Variants in ANO10 observed in about 807,000 individuals in gnomAD.
The protein encoded by ANO10 is anoctamin-10.
Under a neutral mutation model 74.7 loss-of-function variants are expected in ANO10, and 77 were observed. The observed-to-expected ratio is 1.03, with a 90% confidence interval of 0.86 to 1.25. The LOEUF (loss-of-function observed/expected upper bound fraction) is 1.25, where lower values mean the gene tolerates loss of function less well. ANO10 is among the 50% of genes most tolerant of loss of function. The probability of loss-of-function intolerance (pLI) is 0.00; values close to 1 mark genes in which losing one functional copy is unlikely to be tolerated. For synonymous variants in ANO10, 279 were observed against 284.9 expected (o/e 0.98, Z 0.21); for missense variants, 721 against 778.1 (o/e 0.93, Z 0.87).
chr3:43,447,142 A>G (rs996252022), intron 11 of ANO10, among the ~76,000 whole-genome samples: 3 of 152,138 alleles, frequency 2.0e-5, no homozygotes, highest in African/African-American at 7.2e-5. Context: ...TATTTTTGTT[A>G]TTAGTAAGGG....
At chr3:43,537,756 G>T (rs1487564974) in intron 11 of ANO10, among the ~76,000 whole-genome samples, 1 of 151,890 alleles carries the variant, frequency 6.6e-6, no homozygotes, top group Non-Finnish European at 1.5e-5. Flanking sequence ...AGAAATAGTC[G>T]ATTTCAGTAA....
intron 4 of ANO10, among the ~76,000 whole-genome samples, chr3:43,592,166 TG>T (rs1217423700): frequency 6.6e-6 from 1 of 152,194 alleles, no homozygotes; most frequent in African/African-American, 2.4e-5. Context: ...ACTCCACCTC[TG>T]GGGGCAGGGC....
At chr3:43,634,401 C>G (rs2083584437) in intron 1 of ANO10, among the ~76,000 whole-genome samples, 1 of 151,882 alleles carries the variant, frequency 6.6e-6, no homozygotes, top group Admixed American at 6.6e-5. Context: ...CCCCGTCTCC[C>G]AACCACCCAG....
intron 11 of ANO10, among the ~76,000 whole-genome samples, chr3:43,517,713 A>G (rs928049381): frequency 1.3e-5 from 2 of 152,130 alleles, no homozygotes; most frequent in Admixed American, 6.5e-5. Flanking sequence ...AGTCTGTGTT[A>G]TTGTGCAAAC....
chr3:43,386,381 G>A (rs907383766), intron 12 of ANO10, among the ~76,000 whole-genome samples: 1 of 111,724 alleles, frequency 9.0e-6, no homozygotes, highest in Non-Finnish European at 2.2e-5. Context: ...AGGAAGAAAG[G>A]AGGAAAGGGG....
Position 43,486,172 on chromosome 3 carries a change from G to A in ANO10, c.1798-53445C>T, listed in dbSNP as rs112566950. 9.4e-3 allele frequency among the ~76,000 whole-genome samples: 1,438 copies of A among 152,220 alleles called. 23 individuals are homozygous for A. The highest frequency in any genetic ancestry group is 0.031 in the African/African-American group (1,288 of 41,514). On this transcript the variant is annotated intron_variant, in intron 11 of 12. Coordinates refer to ENST00000292246, the MANE Select transcript of ANO10 (RefSeq NM_018075.5). ...CACCTTTACAAGTCTGAAAAGACAC[G>A]TTTACTATCTATTCTCTCTGAGGGC...
chr3:43,536,945 C>T (rs530968577), intron 11 of ANO10, among the ~76,000 whole-genome samples: 108 of 146,726 alleles, frequency 7.4e-4, no homozygotes, highest in Non-Finnish European at 1.3e-3. Flanking sequence ...ATAAATGCAC[C>T]CAGCTGTGAA....
At chr3:43,519,967 T>C (rs2077877913) in intron 11 of ANO10, among the ~76,000 whole-genome samples, 1 of 152,144 alleles carries the variant, frequency 6.6e-6, no homozygotes, top group African/African-American at 2.4e-5. Flanking sequence ...GAATAACCAA[T>C]GGCAACCTCC....
chr3:43,690,847 C>T (rs1028545307), intron 1 of ANO10: 25 of 800,546 alleles, frequency 3.1e-5, no homozygotes, highest in Non-Finnish European at 4.2e-5. Flanking sequence ...CGCGCAAACG[C>T]GGGCGCGCCG....
At chr3:43,425,200 C>CTTTTTTTT (rs74270681) in intron 12 of ANO10, among the ~76,000 whole-genome samples, 1 of 131,078 alleles carries the variant, frequency 7.6e-6, no homozygotes, top group Non-Finnish European at 1.6e-5. Flanking sequence ...TTTACTGTAA[C>CTTTTTTTT]TTTTTTTTTT....
intron 1 of ANO10, chr3:43,690,086 T>C: frequency 6.7e-6 from 1 of 149,106 alleles, no homozygotes; most frequent in South Asian, 2.1e-4. Flanking sequence ...TGAGACGGAG[T>C]TTCGTTCTTG....
chr3:43,525,941 C>T (rs1233872570), intron 11 of ANO10, among the ~76,000 whole-genome samples: 1 of 152,204 alleles, frequency 6.6e-6, no homozygotes, highest in Non-Finnish European at 1.5e-5. Context: ...AACAACATCG[C>T]TCCACTTTGG....
At chr3:43,550,527 T>C (rs2079410208) in intron 10 of ANO10, among the ~76,000 whole-genome samples, 1 of 152,170 alleles carries the variant, frequency 6.6e-6, no homozygotes. Flanking sequence ...CACTTAATAA[T>C]TTACCCATTA....
intron 12 of ANO10, among the ~76,000 whole-genome samples, chr3:43,372,201 C>T (rs2125675540): frequency 6.6e-6 from 1 of 152,302 alleles, no homozygotes; most frequent in Admixed American, 6.5e-5. Context: ...AGTGCCACCA[C>T]CAGCCAGCAT....
chr3:43,481,126 G>A (rs912071416), intron 11 of ANO10, among the ~76,000 whole-genome samples: 1 of 151,940 alleles, frequency 6.6e-6, no homozygotes, highest in African/African-American at 2.4e-5. Context: ...GAAAGACATA[G>A]TATTTAGAAA....
At chr3:43,375,640 C>T (rs1391107991) in intron 12 of ANO10, among the ~76,000 whole-genome samples, 1 of 152,116 alleles carries the variant, frequency 6.6e-6, no homozygotes, top group Non-Finnish European at 1.5e-5. Flanking sequence ...ATGATTTAGA[C>T]CAGGTCTCCT....
chr3:43,512,047 AGCTGGGGTGGGAGT>A (rs1479971835), intron 11 of ANO10, among the ~76,000 whole-genome samples: 1 of 152,172 alleles, frequency 6.6e-6, no homozygotes, highest in Non-Finnish European at 1.5e-5. Flanking sequence ...CCAGGCTGTA[AGCTGGGGTGGGAGT>A]GTGGAGAAGG....
chr3:43,453,943 G>C (rs1157633020), intron 11 of ANO10, among the ~76,000 whole-genome samples: 2 of 152,182 alleles, frequency 1.3e-5, no homozygotes, highest in Non-Finnish European at 2.9e-5. Flanking sequence ...TGGAACTAAA[G>C]CACAGCTGGA....
chr3:43,562,302 G>A (rs9839558), intron 8 of ANO10, among the ~76,000 whole-genome samples: 117,561 of 151,180 alleles, frequency 0.78, 46,256 homozygotes, highest in East Asian at 0.89. Context: ...AATACAAAAA[G>A]TTAGCCGGGC....
Sources: gnomAD v4.1 joint callset for allele counts (sites outside exome capture counted in the v4.1 genomes callset) on GRCh38, gnomAD v4.1.1 for gene constraint, MANE v1.5 for transcripts, NCBI Gene and HGNC (gene_info 2026-07-23, HGNC 2026-07-21) for gene names.